POU2F1: variants seen among roughly 807,000 people sequenced by gnomAD.
POU2F1 encodes POU class 2 homeobox 1.
A neutral mutation model predicts 84.9 loss-of-function variants in POU2F1; 16 were observed. The observed-to-expected ratio is 0.19, with a 90% confidence interval of 0.13 to 0.29. The LOEUF (loss-of-function observed/expected upper bound fraction) is 0.29, where lower values mean the gene tolerates loss of function less well. Among genes scored for constraint, POU2F1 ranks in the 10% least tolerant of loss-of-function variants. POU2F1 has a pLI of 1.00. For missense variants in POU2F1, 738 were observed against 942.6 expected (o/e 0.78, Z 2.84); for synonymous variants, 368 against 368.3 (o/e 1.00, Z 0.01).
In POU2F1 at chr1:167,422,386, A is replaced by G. The variant is rs1045903374; in HGVS notation, c.*6576A>G. Reference sequence around the variant, plus strand: ...CTGTCAAGTTACTGAATGTTGTGCTAATAACACAACACTTTAAAACCTTAC... The same window carrying G: ...CTGTCAAGTTACTGAATGTTGTGCTGATAACACAACACTTTAAAACCTTAC... On this transcript the variant is annotated 3_prime_UTR_variant, in exon 16 of 16. Transcript: ENST00000367866. The G allele has an allele frequency of 6.6e-6, 1 of 152,246 alleles. No homozygotes were observed. The highest frequency in any genetic ancestry group is 2.4e-5 in the African/African-American group (1 of 41,454). 9.4% of individuals were successfully genotyped at this position (152,246 alleles called of 1,614,324 possible). A position where few individuals can be genotyped will look rare whatever the true frequency, so the allele number is the denominator to read the frequency against.
intron 2 of POU2F1, 65 bp downstream of exon 2, chr1:167,332,600 G>T: frequency 1.5e-6 from 2 of 1,343,520 alleles, no homozygotes; most frequent in Admixed American, 1.7e-5. Context: ...AAGTTTCCAT[G>T]TAACTAGGAC....
chr1:167,329,034 G>T, intron 1 of POU2F1: 1 of 1,160,266 alleles, frequency 8.6e-7, no homozygotes, highest in Non-Finnish European at 1.1e-6. Context: ...CTAGCTGGTA[G>T]GAGAGACTAA....
At chr1:167,246,769 T>C (rs1007000896) in intron 1 of POU2F1, among the ~76,000 whole-genome samples, 1 of 152,182 alleles carries the variant, frequency 6.6e-6, no homozygotes, top group African/African-American at 2.4e-5. Context: ...GGTGCTTATC[T>C]GTCCTTCATT....
chr1:167,378,815 T>C (rs1210738497), intron 7 of POU2F1, among the ~76,000 whole-genome samples: 1 of 151,998 alleles, frequency 6.6e-6, no homozygotes, highest in African/African-American at 2.4e-5. Context: ...TTAAATGGCA[T>C]GATCTTGGCT....
intron 1 of POU2F1, among the ~76,000 whole-genome samples, chr1:167,247,223 G>A (rs1650398901): frequency 6.6e-6 from 1 of 152,018 alleles, no homozygotes; most frequent in Admixed American, 6.6e-5. Flanking sequence ...CCATAGGCGT[G>A]TGCCACCATG....
intron 1 of POU2F1, among the ~76,000 whole-genome samples, chr1:167,248,145 G>A (rs1452773765): frequency 6.6e-6 from 1 of 152,212 alleles, no homozygotes; most frequent in Non-Finnish European, 1.5e-5. Flanking sequence ...GGAAATTGAT[G>A]TGTGATTATT....
chr1:167,350,129 C>T (rs1269995332), intron 2 of POU2F1, among the ~76,000 whole-genome samples: 1 of 152,068 alleles, frequency 6.6e-6, no homozygotes, highest in Non-Finnish European at 1.5e-5. Context: ...AGATTAAGTT[C>T]CCAATAAGCC....
chr1:167,237,421 G>A (rs1206198146), intron 1 of POU2F1, among the ~76,000 whole-genome samples: 5 of 152,084 alleles, frequency 3.3e-5, no homozygotes, highest in Non-Finnish European at 2.9e-5. Flanking sequence ...TGTTGGTCTT[G>A]TTTGTTGTTT....
chr1:167,312,368 A>T (rs1039609381), intron 1 of POU2F1, among the ~76,000 whole-genome samples: 1 of 151,850 alleles, frequency 6.6e-6, no homozygotes, highest in Non-Finnish European at 1.5e-5. Context: ...AATTACAAGC[A>T]TGTGCCACCA....
At chr1:167,350,686 A>G (rs564434350) in intron 2 of POU2F1, among the ~76,000 whole-genome samples, 13 of 151,602 alleles carry the variant, frequency 8.6e-5, no homozygotes, top group East Asian at 7.8e-4. Flanking sequence ...AAAAAAAAAA[A>G]AAAAGAAAAG....
Position 167,340,673 on chromosome 1 carries a change from C to G in POU2F1, c.127+8138C>G, listed in dbSNP as rs147027463. On this transcript the variant is annotated intron_variant, in intron 2 of 15. Coordinates refer to ENST00000367866, the MANE Select transcript of POU2F1 (RefSeq NM_002697.4). ...TCTTGAACTCCTGGCATCAAGCGAT[C>G]CACCTGCCTCAGCCTCCTGCTGGGA... Among the ~76,000 whole-genome samples the G allele has an allele frequency of 5.9e-5, 9 of 151,892 alleles. No individual in the cohort carries two copies. The East Asian group carries it at 1.4e-3, about 23-fold the overall frequency.
At chr1:167,318,224 C>A (rs954285061) in intron 1 of POU2F1, among the ~76,000 whole-genome samples, 1 of 152,156 alleles carries the variant, frequency 6.6e-6, no homozygotes, top group African/African-American at 2.4e-5. Context: ...TTCCACAAAT[C>A]CTTATGTTTA....
At chr1:167,305,182 A>T (rs1240003381) in intron 1 of POU2F1, among the ~76,000 whole-genome samples, 1 of 151,732 alleles carries the variant, frequency 6.6e-6, no homozygotes, top group African/African-American at 2.4e-5. Flanking sequence ...GACACAGAGA[A>T]TGTAGGCAAT....
chr1:167,279,698 T>C (rs1311368864), intron 1 of POU2F1, among the ~76,000 whole-genome samples: 1 of 151,624 alleles, frequency 6.6e-6, no homozygotes, highest in Admixed American at 6.6e-5. Flanking sequence ...AGCCTGGGCC[T>C]CAGAGCGAGA....
Position 167,418,922 on chromosome 1 carries a change from T to G in POU2F1, c.*3112T>G, listed in dbSNP as rs1391608005. 1 of 152,152 alleles carries G rather than the reference T, an allele frequency of 6.6e-6. No homozygotes were observed. Among genetic ancestry groups the G allele is most frequent in the Non-Finnish European group, 1.5e-5 (1 of 68,020 alleles). The allele number at this position is 152,152 out of a possible 1,614,324, so 9.4% of individuals were successfully genotyped here. A position where few individuals can be genotyped will look rare whatever the true frequency, so the allele number is the denominator to read the frequency against. ...TAAATCTTTAGATAAAAATAAATTT[T>G]TTTCTCTTTTTTTACTTATTTAAAA... On this transcript the variant is annotated 3_prime_UTR_variant, in exon 16 of 16. Coordinates refer to ENST00000367866, the MANE Select transcript of POU2F1 (RefSeq NM_002697.4).
intron 1 of POU2F1, among the ~76,000 whole-genome samples, chr1:167,318,367 GTGTGGCCA>G (rs1171900569): frequency 6.6e-6 from 1 of 152,166 alleles, no homozygotes; most frequent in Non-Finnish European, 1.5e-5. Context: ...GCTGAACATA[GTGTGGCCA>G]TGGCACGCAG....
At position 167,416,087 on chromosome 1, in the gene POU2F1, T is replaced by TAAA. The variant is rs34032944; in HGVS notation, c.*294_*296dup. On this transcript the variant is annotated 3_prime_UTR_variant, in exon 16 of 16. Coordinates refer to ENST00000367866, the MANE Select transcript of POU2F1 (RefSeq NM_002697.4). ...ATTGGAGAACTTTCTAACCAAAAAT[T>TAAA]AAAAAAAAAAAAAAAAAAAGAAACA... 28 of 351,632 alleles carry TAAA rather than the reference T, an allele frequency of 8.0e-5. No individual in the cohort carries two copies. Among genetic ancestry groups the TAAA allele is most frequent in the Admixed American group, 2.3e-4 (5 of 21,758 alleles). The allele number at this position is 351,632 out of a possible 1,614,324, so 21.8% of individuals were successfully genotyped here. A position where few individuals can be genotyped will look rare whatever the true frequency, so the allele number is the denominator to read the frequency against.
At chr1:167,246,302 C>G (rs1053289601) in intron 1 of POU2F1, among the ~76,000 whole-genome samples, 1 of 152,130 alleles carries the variant, frequency 6.6e-6, no homozygotes, top group African/African-American at 2.4e-5. Flanking sequence ...CCTCCTAAAG[C>G]AAAGTTTAGA....
intron 1 of POU2F1, among the ~76,000 whole-genome samples, chr1:167,260,231 T>A (rs1463988933): frequency 6.6e-6 from 1 of 152,220 alleles, no homozygotes; most frequent in Non-Finnish European, 1.5e-5. Flanking sequence ...GTTAAAAAAA[T>A]CGTTACATCT....
Sources: gnomAD v4.1 joint callset for allele counts (sites outside exome capture counted in the v4.1 genomes callset) on GRCh38, gnomAD v4.1.1 for gene constraint, MANE v1.5 for transcripts, NCBI Gene and HGNC (gene_info 2026-07-23, HGNC 2026-07-21) for gene names.